The following HDAC9 variants were observed in gnomAD, a reference collection of about 807,000 sequenced individuals.
HDAC9 encodes the protein MEF-2 interacting transcription repressor (MITR) protein.
Under a neutral mutation model 139.4 loss-of-function variants are expected in HDAC9, and 41 were observed. The ratio of observed to expected loss-of-function variants is 0.29; its 90% CI spans 0.23 to 0.38. HDAC9 has a LOEUF of 0.38. Ranked by LOEUF, HDAC9 falls within the 10% of genes least tolerant of loss-of-function variation. The pLI, the probability that HDAC9 is intolerant of heterozygous loss-of-function variation, is 1.00. For missense variants in HDAC9, 1,147 were observed against 1,297.0 expected, an observed-to-expected ratio of 0.88 and a Z score of 1.78; for synonymous variants, 517 against 476.2, an observed-to-expected ratio of 1.09 and a Z score of -1.12.
chr7:18,490,833 A>ATGAG (rs34164569), upstream of HDAC9, among the ~76,000 whole-genome samples: 9,728 of 151,510 alleles, frequency 0.064, 875 homozygotes, highest in African/African-American at 0.2. Context: ...GGTAACATCA[A>ATGAG]TGAGTGAGTG....
chr7:18,819,963 A>G (rs914421898), intron 17 of HDAC9, among the ~76,000 whole-genome samples: 2 of 152,214 alleles, frequency 1.3e-5, no homozygotes, highest in African/African-American at 2.4e-5. Context: ...CCATGTTATT[A>G]TGTAGAAAAA....
At chr7:18,971,911 G>A (rs1399840352) in intron 24 of HDAC9, among the ~76,000 whole-genome samples, 1 of 152,134 alleles carries the variant, frequency 6.6e-6, no homozygotes, top group Admixed American at 6.5e-5. Context: ...AAGGATCATT[G>A]TCAGTCATTC....
chr7:18,612,226 T>C (rs1441006324), intron 6 of HDAC9, among the ~76,000 whole-genome samples: 1 of 152,098 alleles, frequency 6.6e-6, no homozygotes, highest in Non-Finnish European at 1.5e-5. Context: ...ACAAAAGGGA[T>C]CTTTTGTTTG....
At chr7:18,713,315 C>A (rs1784476364) in intron 12 of HDAC9, among the ~76,000 whole-genome samples, 1 of 152,096 alleles carries the variant, frequency 6.6e-6, no homozygotes, top group Non-Finnish European at 1.5e-5. Context: ...TGGTGATGAG[C>A]ATTGCAGATG....
At chr7:18,234,516 C>T (rs894948252) in intron 2 of HDAC9, among the ~76,000 whole-genome samples, 1 of 152,150 alleles carries the variant, frequency 6.6e-6, no homozygotes, top group Non-Finnish European at 1.5e-5. Context: ...TATTTAGCTG[C>T]TCAGGCACTG....
intron 22 of HDAC9, among the ~76,000 whole-genome samples, chr7:18,906,045 T>G (rs536370415): frequency 2.0e-5 from 3 of 151,722 alleles, no homozygotes; most frequent in African/African-American, 7.2e-5. Context: ...CTCTCTTTTC[T>G]ATCCTTTCTT....
At chr7:18,353,994 C>T (rs148127899) in intron 1 of HDAC9, among the ~76,000 whole-genome samples, 1 of 152,062 alleles carries the variant, frequency 6.6e-6, no homozygotes. Context: ...ACATTCTAAG[C>T]CAAGGGTGGC....
intron 14 of HDAC9, 83 bp downstream of exon 14, chr7:18,749,221 A>G (rs1788237396): frequency 7.1e-7 from 1 of 1,399,740 alleles, no homozygotes. Context: ...AGTAATAGAA[A>G]AATATTAACC....
rs752672302 is a variant in HDAC9, at chr7:18,593,993, C to A, written c.628C>A (p.Gln210Lys). The change falls in exon 6 of 26, where the codon CAA becomes AAA. Residue 210 changes from glutamine to lysine, a missense_variant. Physicochemically the swap from Gln to Lys is moderately conservative, Grantham distance 53 (BLOSUM62 1). Coordinates refer to ENST00000686413, the MANE Select transcript of HDAC9 (RefSeq NM_178425.4). ...PSYKYTLPGA[Q>K]DAKDDFPLRK... The stretch of plus-strand genomic sequence containing the variant: ...CTACAAGTACACATTACCAGGAGCA[C>A]AAGATGCAAAGGATGATTTCCCCCT... 1 of 1,612,736 alleles carries A rather than the reference C, an allele frequency of 6.2e-7. No individual in the cohort carries two copies. The highest frequency in any genetic ancestry group is 8.5e-7 in the Non-Finnish European group (1 of 1,179,018).
At chr7:18,671,276 A>T (rs930312721) in intron 12 of HDAC9, among the ~76,000 whole-genome samples, 2 of 152,052 alleles carry the variant, frequency 1.3e-5, no homozygotes, top group African/African-American at 4.8e-5. Context: ...GTATTCTAAT[A>T]GAAAGATGCA....
At chr7:18,957,409 T>C (rs1248354969) in intron 24 of HDAC9, among the ~76,000 whole-genome samples, 1 of 152,158 alleles carries the variant, frequency 6.6e-6, no homozygotes, top group African/African-American at 2.4e-5. Flanking sequence ...TAGTAAACAG[T>C]GCTTGATTTC....
At chr7:18,835,748 C>A (rs544189000) in intron 20 of HDAC9, 152 bp from the exon 21 acceptor site, 1 of 1,062,376 alleles carries the variant, frequency 9.4e-7, no homozygotes. Context: ...AAGTGCATAA[C>A]CCAGAGCACT....
chr7:18,542,813 T>C (rs1183803991), intron 2 of HDAC9, among the ~76,000 whole-genome samples: 5 of 152,180 alleles, frequency 3.3e-5, no homozygotes, highest in Non-Finnish European at 7.4e-5. Context: ...TTCACAGAGT[T>C]AATCTAGCTC....
intron 13 of HDAC9, among the ~76,000 whole-genome samples, chr7:18,743,488 A>G (rs1787640859): frequency 6.6e-6 from 1 of 152,186 alleles, no homozygotes; most frequent in Admixed American, 6.5e-5. Context: ...CAAGTTTCAC[A>G]AATAATTTAA....
At chr7:18,820,246 A>G (rs1794862439) in intron 17 of HDAC9, among the ~76,000 whole-genome samples, 1 of 152,186 alleles carries the variant, frequency 6.6e-6, no homozygotes, top group Admixed American at 6.5e-5. Context: ...CAGTAAATTA[A>G]TTATTTAAAA....
chr7:18,143,980 A>G (rs752997335), intron 1 of HDAC9, among the ~76,000 whole-genome samples: 1 of 152,120 alleles, frequency 6.6e-6, no homozygotes. Flanking sequence ...AGTCTTCTCT[A>G]TTGCTGGATC....
At chr7:18,168,738 A>G (rs113480680) in intron 2 of HDAC9, among the ~76,000 whole-genome samples, 5 of 152,190 alleles carry the variant, frequency 3.3e-5, no homozygotes, top group African/African-American at 1.2e-4. Context: ...AATTTTTGTC[A>G]TATTTTGAGA....
At chr7:18,221,685 A>G (rs1211684582) in intron 2 of HDAC9, among the ~76,000 whole-genome samples, 3 of 152,158 alleles carry the variant, frequency 2.0e-5, no homozygotes, top group African/African-American at 7.2e-5. Context: ...TGGCAGGAGA[A>G]ATAAGGACTA....
intron 6 of HDAC9, among the ~76,000 whole-genome samples, chr7:18,602,339 TCTTA>T (rs1834179778): frequency 6.6e-6 from 1 of 152,036 alleles, no homozygotes; most frequent in South Asian, 2.1e-4. Context: ...GTTTCTTCTC[TCTTA>T]CTTTTTTTTT....
Sources: allele counts gnomAD v4.1 joint callset (sites outside exome capture counted in the v4.1 genomes callset), GRCh38; gene constraint gnomAD v4.1.1; transcripts MANE v1.5; gene names NCBI Gene and HGNC (gene_info 2026-07-23, HGNC 2026-07-21).